Variants in CACNA2D1 observed in about 807,000 individuals in gnomAD.
CACNA2D1 encodes calcium voltage-gated channel auxiliary subunit alpha2delta 1.
Under a neutral mutation model 171.5 loss-of-function variants are expected in CACNA2D1, and 53 were observed. That is an observed-to-expected ratio of 0.31 (90% confidence interval 0.25 to 0.39). CACNA2D1 has a LOEUF of 0.39. CACNA2D1 is among the 10% of genes least tolerant of loss of function. The pLI is 1.00. For missense variants in CACNA2D1, 903 were observed against 1,299.8 expected, an observed-to-expected ratio of 0.69 and a Z score of 4.69; for synonymous variants, 442 against 443.1, an observed-to-expected ratio of 1.00 and a Z score of 0.03.
intron 6 of CACNA2D1, among the ~76,000 whole-genome samples, chr7:82,086,395 G>C (rs964970848): frequency 1.3e-5 from 2 of 152,068 alleles, no homozygotes; most frequent in Non-Finnish European, 2.9e-5. Flanking sequence ...TTATGGATGC[G>C]ATTACTTTCA....
At chr7:81,995,292 A>G (rs941142118) in intron 19 of CACNA2D1, among the ~76,000 whole-genome samples, 5 of 152,250 alleles carry the variant, frequency 3.3e-5, no homozygotes, top group African/African-American at 1.2e-4. Flanking sequence ...AGAATTACAT[A>G]TAACACGGAA....
At chr7:82,337,704 A>G (rs1472281747) in intron 2 of CACNA2D1, among the ~76,000 whole-genome samples, 1 of 152,110 alleles carries the variant, frequency 6.6e-6, no homozygotes, top group Non-Finnish European at 1.5e-5. Flanking sequence ...AATCCTGTCA[A>G]CTCTTCACAT....
chr7:82,261,504 T>C (rs549712049), intron 3 of CACNA2D1, among the ~76,000 whole-genome samples: 4 of 152,162 alleles, frequency 2.6e-5, no homozygotes, highest in Non-Finnish European at 5.9e-5. Context: ...TTCAATGAGA[T>C]AAGTATTAAC....
At chr7:82,055,750 C>G (rs1288746585) in intron 10 of CACNA2D1, among the ~76,000 whole-genome samples, 5 of 102,632 alleles carry the variant, frequency 4.9e-5, no homozygotes, top group Non-Finnish European at 8.9e-5. Flanking sequence ...ACATCACACA[C>G]CAGGTCCTGT....
chr7:82,117,470 T>C (rs1045377185), intron 5 of CACNA2D1, among the ~76,000 whole-genome samples: 1 of 152,136 alleles, frequency 6.6e-6, no homozygotes, highest in Non-Finnish European at 1.5e-5. Flanking sequence ...ACACATATAA[T>C]ACTTATTAAG....
intron 1 of CACNA2D1, among the ~76,000 whole-genome samples, chr7:82,412,532 C>T (rs1426276384): frequency 3.3e-5 from 5 of 151,950 alleles, no homozygotes; most frequent in Admixed American, 2.0e-4. Context: ...ATCTGCCCGC[C>T]TCAGCCTCCC....
At chr7:82,015,684 T>G (rs1421234182) in intron 12 of CACNA2D1, among the ~76,000 whole-genome samples, 1 of 152,208 alleles carries the variant, frequency 6.6e-6, no homozygotes, top group Admixed American at 6.5e-5. Flanking sequence ...AAATTCCAGT[T>G]TGAACTATGT....
intron 7 of CACNA2D1, among the ~76,000 whole-genome samples, chr7:82,075,198 C>A (rs773811093): frequency 2.8e-5 from 4 of 144,932 alleles, no homozygotes; most frequent in Admixed American, 7.2e-5. Context: ...GGTATTACAG[C>A]TGAGGATAAA....
intron 3 of CACNA2D1, among the ~76,000 whole-genome samples, chr7:82,307,128 G>GA (rs1476994567): frequency 3.3e-5 from 5 of 152,018 alleles, no homozygotes; most frequent in Admixed American, 6.6e-5. Context: ...TAACTTAGGA[G>GA]AAAAAATAAA....
At chr7:82,133,871 G>A (rs1357118053) in intron 5 of CACNA2D1, among the ~76,000 whole-genome samples, 1 of 152,126 alleles carries the variant, frequency 6.6e-6, no homozygotes, top group Non-Finnish European at 1.5e-5. Context: ...AGGAGATCGA[G>A]ACCATCCTGG....
At chr7:82,174,179 AATAAAAAACAGAACACTTTTCTGATT>A (rs1305344509) in intron 3 of CACNA2D1, among the ~76,000 whole-genome samples, 1 of 151,916 alleles carries the variant, frequency 6.6e-6, no homozygotes, top group Non-Finnish European at 1.5e-5. Flanking sequence ...GAAAAAAAAA[AATAAAAAACAGAACACTTTTCTGATT>A]TATGGCACAG....
intron 5 of CACNA2D1, among the ~76,000 whole-genome samples, chr7:82,119,779 G>A (rs374160162): frequency 6.6e-6 from 1 of 152,128 alleles, no homozygotes; most frequent in East Asian, 1.9e-4. Context: ...TTATTTTTGT[G>A]TGCCACAAAG....
chr7:81,973,483 C>G (rs1471328138), intron 25 of CACNA2D1, among the ~76,000 whole-genome samples: 3 of 151,808 alleles, frequency 2.0e-5, no homozygotes, highest in African/African-American at 7.3e-5. Context: ...TTTAAGAAAG[C>G]CTTTGCCTTT....
At chr7:81,975,295 G>A (rs190834868) in intron 24 of CACNA2D1, among the ~76,000 whole-genome samples, 2 of 151,982 alleles carry the variant, frequency 1.3e-5, no homozygotes. Flanking sequence ...AAATCTTAAA[G>A]TTCATTACAT....
At chr7:82,150,310 C>T (rs10242232) in intron 4 of CACNA2D1, among the ~76,000 whole-genome samples, 36,445 of 130,244 alleles carry the variant, frequency 0.28, 5,583 homozygotes, top group East Asian at 0.38. Context: ...TAGCTGGGTT[C>T]ATCTACTTTT....
chr7:82,285,461 T>C (rs948486587), intron 3 of CACNA2D1, among the ~76,000 whole-genome samples: 1 of 152,138 alleles, frequency 6.6e-6, no homozygotes, highest in East Asian at 1.9e-4. Flanking sequence ...TTATAACATA[T>C]AAGTAACTCT....
intron 38 of CACNA2D1, among the ~76,000 whole-genome samples, chr7:81,955,907 G>GGC (rs1793212713): frequency 6.1e-5 from 1 of 16,468 alleles, no homozygotes; most frequent in Non-Finnish European, 1.1e-4. Context: ...TATTTTGGTG[G>GGC]GGGGGGGGGG....
chr7:82,335,467 A>G (rs536388405), intron 2 of CACNA2D1, among the ~76,000 whole-genome samples: 58 of 152,318 alleles, frequency 3.8e-4, no homozygotes, highest in Middle Eastern at 3.4e-3. Flanking sequence ...TTATGTTAAC[A>G]GGTTGTAAAA....
intron 5 of CACNA2D1, among the ~76,000 whole-genome samples, chr7:82,125,209 A>G (rs1353088546): frequency 6.6e-6 from 1 of 152,226 alleles, no homozygotes; most frequent in African/African-American, 2.4e-5. Flanking sequence ...CAATAAAATA[A>G]AAAGGAGCAA....
Sources: allele counts gnomAD v4.1 joint callset (sites outside exome capture counted in the v4.1 genomes callset), GRCh38; gene constraint gnomAD v4.1.1; transcripts MANE v1.5; gene names NCBI Gene and HGNC (gene_info 2026-07-23, HGNC 2026-07-21).